The following ALOX5AP variants were observed in gnomAD, a reference collection of about 807,000 sequenced individuals.
The protein encoded by ALOX5AP is arachidonate 5-lipoxygenase activating protein, also known as arachidonate 5-lipoxygenase-activating protein.
A neutral mutation model predicts 18.5 loss-of-function variants in ALOX5AP; 9 were observed. The observed-to-expected ratio is 0.49, with a 90% confidence interval of 0.29 to 0.85. The LOEUF (loss-of-function observed/expected upper bound fraction) is 0.85. Among genes scored for constraint, ALOX5AP ranks in the 40% least tolerant of loss-of-function variants. The pLI, the probability that ALOX5AP is intolerant of heterozygous loss-of-function variation, is 0.08. For synonymous variants in ALOX5AP, 81 were observed against 78.6 expected (o/e 1.03, Z -0.16); for missense variants, 172 against 202.5 (o/e 0.85, Z 0.91).
At chr13:30,719,947 C>T (rs959330828) in intron 1 of ALOX5AP, among the ~76,000 whole-genome samples, 4 of 151,938 alleles carry the variant, frequency 2.6e-5, no homozygotes, top group Non-Finnish European at 5.9e-5. Flanking sequence ...CTGCAACCTC[C>T]GCCTCCTGGG....
At chr13:30,723,290 G>T (rs1951608557) in intron 1 of ALOX5AP, among the ~76,000 whole-genome samples, 1 of 152,216 alleles carries the variant, frequency 6.6e-6, no homozygotes, top group Non-Finnish European at 1.5e-5. Context: ...GGGACATAAG[G>T]TCTGTGTCTA....
upstream of ALOX5AP, among the ~76,000 whole-genome samples, chr13:30,732,851 C>T (rs1003909943): frequency 1.3e-5 from 2 of 151,466 alleles, no homozygotes; most frequent in African/African-American, 2.4e-5. Flanking sequence ...GAGAAAGGGA[C>T]AGAAGAGAGA....
Position 30,764,116 on chromosome 13 carries a change from G to C in ALOX5AP, c.*10G>C, listed in dbSNP as rs773300357. The C allele has an allele frequency of 6.2e-7, 1 of 1,612,634 alleles. No individual in the cohort carries two copies. Among genetic ancestry groups the C allele is most frequent in the Non-Finnish European group, 8.5e-7 (1 of 1,179,238 alleles). On this transcript the variant is annotated 3_prime_UTR_variant, in exon 5 of 5. Transcript: ENST00000380490. The stretch of plus-strand genomic sequence containing the variant: ...ACTTCTCATTCCCTAACTCTCTGCT[G>C]AATATGGGGTTGGTGTTCTCATCTA...
At chr13:30,715,260 T>C (rs745852797) in intron 1 of ALOX5AP, among the ~76,000 whole-genome samples, 1 of 152,174 alleles carries the variant, frequency 6.6e-6, no homozygotes, top group Non-Finnish European at 1.5e-5. Flanking sequence ...ATAATACCTG[T>C]CTTATTGGGT....
chr13:30,755,909 GA>G, intron 3 of ALOX5AP, 34 bp from the exon 4 acceptor site: 1 of 1,606,452 alleles, frequency 6.2e-7, no homozygotes, highest in Non-Finnish European at 8.5e-7. Flanking sequence ...TGGTGGCTAC[GA>G]AACTGACACA....
chr13:30,731,391 T>A (rs1312918678), upstream of ALOX5AP, among the ~76,000 whole-genome samples: 4 of 150,626 alleles, frequency 2.7e-5, no homozygotes, highest in African/African-American at 7.4e-5. Context: ...TTTTTTTTTT[T>A]AAGACAGGAT....
At chr13:30,718,566 G>A (rs974361414) in intron 1 of ALOX5AP, among the ~76,000 whole-genome samples, 5 of 151,922 alleles carry the variant, frequency 3.3e-5, no homozygotes, top group African/African-American at 4.8e-5. Context: ...GCAAACTCTC[G>A]TGTGGCTTCA....
At chr13:30,743,341 C>A (rs1951782839) in intron 1 of ALOX5AP, among the ~76,000 whole-genome samples, 1 of 152,172 alleles carries the variant, frequency 6.6e-6, no homozygotes, top group African/African-American at 2.4e-5. Context: ...TCCTCCTCTG[C>A]TGTCCTCACC....
At chr13:30,722,185 C>T (rs1951599477) in intron 1 of ALOX5AP, among the ~76,000 whole-genome samples, 2 of 152,232 alleles carry the variant, frequency 1.3e-5, no homozygotes, top group South Asian at 4.1e-4. Flanking sequence ...ACTTCTTACT[C>T]TTTCTCTTTC....
At chr13:30,731,179 G>A (rs984994343), upstream of ALOX5AP, among the ~76,000 whole-genome samples, 1 of 152,166 alleles carries the variant, frequency 6.6e-6, no homozygotes. Context: ...CTTCAGGGCT[G>A]AGGGGCCATT....
intron 4 of ALOX5AP, 75 bp from the exon 5 acceptor site, chr13:30,763,869 G>A: frequency 1.4e-6 from 2 of 1,394,634 alleles, no homozygotes; most frequent in Non-Finnish European, 2.0e-6. Context: ...TATCTAAAAG[G>A]GGTAACATTT....
intron 1 of ALOX5AP, among the ~76,000 whole-genome samples, chr13:30,722,066 T>C (rs190956946): frequency 6.6e-6 from 1 of 152,332 alleles, no homozygotes; most frequent in Non-Finnish European, 1.5e-5. Context: ...CCTCATCTTT[T>C]CTGAAGCTAG....
intron 1 of ALOX5AP, among the ~76,000 whole-genome samples, chr13:30,716,144 TTCACAAC>T (rs1427588878): frequency 6.6e-6 from 1 of 152,220 alleles, no homozygotes; most frequent in East Asian, 1.9e-4. Flanking sequence ...TTTTTCTTAT[TTCACAAC>T]CTTCTAAAAC....
chr13:30,759,499 T>C (rs562745694), intron 4 of ALOX5AP, among the ~76,000 whole-genome samples: 3 of 152,320 alleles, frequency 2.0e-5, no homozygotes, highest in African/African-American at 7.2e-5. Flanking sequence ...GGAGTAACAG[T>C]GAACATGACG....
At chr13:30,714,382 G>C (rs966124680) in intron 1 of ALOX5AP, among the ~76,000 whole-genome samples, 3 of 152,034 alleles carry the variant, frequency 2.0e-5, no homozygotes, top group Admixed American at 2.0e-4. Flanking sequence ...CAGTCTGAGG[G>C]TGAAGGATCA....
At chr13:30,755,223 G>T (rs1951883562) in intron 3 of ALOX5AP, among the ~76,000 whole-genome samples, 1 of 152,106 alleles carries the variant, frequency 6.6e-6, no homozygotes, top group Admixed American at 6.5e-5. Flanking sequence ...TTCCCAAAAG[G>T]CTAGAATGCA....
intron 1 of ALOX5AP, among the ~76,000 whole-genome samples, chr13:30,715,953 A>G (rs4474551): frequency 0.18 from 26,769 of 152,108 alleles, 3,458 homozygotes; most frequent in African/African-American, 0.35. Context: ...CTGAGTTTGG[A>G]CCAACATTTG....
chr13:30,718,381 G>T (rs373390527), intron 1 of ALOX5AP, among the ~76,000 whole-genome samples: 3 of 15,144 alleles, frequency 2.0e-4, no homozygotes, highest in African/African-American at 5.5e-4. Context: ...TCACAGATAT[G>T]CATATATATA....
intron 1 of ALOX5AP, among the ~76,000 whole-genome samples, chr13:30,739,186 A>C (rs1951743565): frequency 6.6e-6 from 1 of 152,136 alleles, no homozygotes; most frequent in Non-Finnish European, 1.5e-5. Flanking sequence ...GCATGGATTG[A>C]AAGCTTGCGT....
Sources: gnomAD v4.1 joint callset for allele counts (sites outside exome capture counted in the v4.1 genomes callset) on GRCh38, gnomAD v4.1.1 for gene constraint, MANE v1.5 for transcripts, NCBI Gene and HGNC (gene_info 2026-07-23, HGNC 2026-07-21) for gene names.